CHN1: variants seen among roughly 807,000 people sequenced by gnomAD.
CHN1 encodes chimerin 1, also known as N-chimaerin.
A neutral mutation model predicts 59.5 loss-of-function variants in CHN1; 37 were observed. That is an observed-to-expected ratio of 0.62 (90% CI 0.48 to 0.82). CHN1 has a LOEUF of 0.82. Among genes scored for constraint, CHN1 ranks in the 40% least tolerant of loss-of-function variants. The probability of loss-of-function intolerance (pLI) is 0.00; values close to 1 mark genes in which losing one functional copy is unlikely to be tolerated. For synonymous variants in CHN1, 206 were observed against 200.4 expected (o/e 1.03, Z -0.24); for missense variants, 469 against 571.0 (o/e 0.82, Z 1.82).
chr2:174,962,965 TTTAAA>T (rs1009343794), intron 1 of CHN1, among the ~76,000 whole-genome samples: 103 of 152,296 alleles, frequency 6.8e-4, no homozygotes, highest in African/African-American at 2.4e-3. Context: ...TGTACGACTA[TTTAAA>T]TTAAGTATAT....
chr2:174,924,268 T>C (rs1689104473), intron 3 of CHN1, among the ~76,000 whole-genome samples: 1 of 152,208 alleles, frequency 6.6e-6, no homozygotes, highest in Non-Finnish European at 1.5e-5. Flanking sequence ...AATTCTTATC[T>C]CCTGAGATGA....
chr2:174,950,174 G>A (rs1433730313), intron 2 of CHN1, among the ~76,000 whole-genome samples: 1 of 152,102 alleles, frequency 6.6e-6, no homozygotes, highest in Non-Finnish European at 1.5e-5. Flanking sequence ...CTTGAGCCCA[G>A]GGGGTCAAGG....
chr2:174,804,666 G>T (rs976032413), intron 11 of CHN1, among the ~76,000 whole-genome samples: 6 of 152,202 alleles, frequency 3.9e-5, no homozygotes, highest in Non-Finnish European at 7.4e-5. Flanking sequence ...GATGAAGGAT[G>T]CATGAGAAAC....
At chr2:174,909,850 G>C (rs188706414) in intron 5 of CHN1, among the ~76,000 whole-genome samples, 88 of 152,262 alleles carry the variant, frequency 5.8e-4, no homozygotes, top group African/African-American at 2.1e-3. Context: ...CTTGAAAGTG[G>C]GATGCTGCTA....
At chr2:174,874,789 T>C (rs7591888) in intron 6 of CHN1, among the ~76,000 whole-genome samples, 1 of 151,574 alleles carries the variant, frequency 6.6e-6, no homozygotes, top group East Asian at 1.9e-4. Context: ...AGCACTCTTA[T>C]AGAGTCATAA....
At chr2:174,974,894 TTA>T (rs1383291746) in intron 1 of CHN1, among the ~76,000 whole-genome samples, 3,456 of 77,174 alleles carry the variant, frequency 0.045, 65 homozygotes, top group Middle Eastern at 0.059. Flanking sequence ...TAAGAAATAA[TTA>T]ATACACACAC....
chr2:174,829,287 C>T (rs1299166067), intron 7 of CHN1, among the ~76,000 whole-genome samples: 1 of 152,108 alleles, frequency 6.6e-6, no homozygotes, highest in African/African-American at 2.4e-5. Flanking sequence ...TGGTCAGAAG[C>T]AGGCTGCAAA....
chr2:174,954,280 T>C (rs1690118326), intron 1 of CHN1, among the ~76,000 whole-genome samples: 1 of 152,048 alleles, frequency 6.6e-6, no homozygotes, highest in East Asian at 1.9e-4. Flanking sequence ...TCTCACCCTA[T>C]ACAAAAATCA....
chr2:174,859,289 A>G (rs1371017016), intron 6 of CHN1, among the ~76,000 whole-genome samples: 1 of 152,156 alleles, frequency 6.6e-6, no homozygotes, highest in Non-Finnish European at 1.5e-5. Flanking sequence ...CTAGGAAGAT[A>G]TGTCATATTC....
intron 1 of CHN1, among the ~76,000 whole-genome samples, chr2:174,952,421 A>G (rs1690050758): frequency 2.6e-5 from 4 of 152,252 alleles, no homozygotes; most frequent in Middle Eastern, 3.4e-3. Flanking sequence ...TATTTATTCA[A>G]TTGCTAATTA....
chr2:174,919,577 T>C (rs1688946739), intron 3 of CHN1, among the ~76,000 whole-genome samples: 1 of 152,228 alleles, frequency 6.6e-6, no homozygotes, highest in Non-Finnish European at 1.5e-5. Context: ...TTTGTCTTTA[T>C]GAAACAGTAT....
Position 174,915,166 on chromosome 2 carries a change from T to C in CHN1, c.152A>G (p.His51Arg), listed in dbSNP as rs374114921. Residue 51 changes from histidine (H) to arginine (R), a missense_variant, in exon 5 of 13, where the codon CAT (histidine) becomes CGT (arginine). By Grantham distance (29) the His-to-Arg change is conservative. Coordinates refer to ENST00000409900, the MANE Select transcript of CHN1 (RefSeq NM_001822.7). The stretch of plus-strand genomic sequence containing the variant: ...GGCTGCTTCTCTGGAGATCATGCCA[T>C]GAAACCTAAGAAACAAAGTCTATTC... ...NRPKYYGREF[H>R]GMISREAADQ... 3.1e-6 allele frequency: 5 copies of C among 1,607,754 alleles called. No individual in the cohort carries two copies. The African/African-American group carries it at 6.7e-5, about 21-fold the overall frequency.
intron 7 of CHN1, chr2:174,846,314 C>T (rs1325182636): frequency 1.3e-6 from 2 of 1,548,424 alleles, no homozygotes; most frequent in African/African-American, 1.4e-5. Context: ...CATACGCATA[C>T]ATGGTGAAAG....
At chr2:174,922,618 G>T (rs1689046241) in intron 3 of CHN1, among the ~76,000 whole-genome samples, 1 of 152,136 alleles carries the variant, frequency 6.6e-6, no homozygotes, top group Non-Finnish European at 1.5e-5. Flanking sequence ...CTGAGCCCAG[G>T]AGGTTGAGGC....
intron 5 of CHN1, among the ~76,000 whole-genome samples, chr2:174,904,988 A>G (rs1688502653): frequency 6.6e-6 from 1 of 152,190 alleles, no homozygotes; most frequent in South Asian, 2.1e-4. Flanking sequence ...ACCACACATT[A>G]TCACCTTGTA....
At chr2:174,908,849 G>A (rs947403287) in intron 5 of CHN1, among the ~76,000 whole-genome samples, 4 of 151,802 alleles carry the variant, frequency 2.6e-5, no homozygotes, top group Non-Finnish European at 5.9e-5. Flanking sequence ...GACATACCAG[G>A]GATAAATATT....
chr2:174,974,745 T>C (rs911703420), intron 1 of CHN1, among the ~76,000 whole-genome samples: 1 of 152,142 alleles, frequency 6.6e-6, no homozygotes, highest in African/African-American at 2.4e-5. Context: ...TATACTTTTG[T>C]TCATATCATT....
intron 5 of CHN1, among the ~76,000 whole-genome samples, chr2:174,904,766 T>C (rs1275809803): frequency 6.6e-6 from 1 of 152,232 alleles, no homozygotes; most frequent in East Asian, 1.9e-4. Flanking sequence ...TGGTTTTCTC[T>C]TCTGTAAAAT....
intron 8 of CHN1, among the ~76,000 whole-genome samples, chr2:174,817,700 C>T (rs1476787246): frequency 6.7e-6 from 1 of 150,082 alleles, no homozygotes; most frequent in African/African-American, 2.5e-5. Flanking sequence ...TGCAGTGGCG[C>T]GATCTCGGCT....
Sources: gnomAD v4.1 joint callset for allele counts (sites outside exome capture counted in the v4.1 genomes callset) on GRCh38, gnomAD v4.1.1 for gene constraint, MANE v1.5 for transcripts, NCBI Gene and HGNC (gene_info 2026-07-23, HGNC 2026-07-21) for gene names.